RAD9A: variants seen among roughly 807,000 people sequenced by gnomAD.
RAD9A encodes the protein cell cycle checkpoint control protein RAD9A.
Under a neutral mutation model 41.2 loss-of-function variants are expected in RAD9A, and 25 were observed. The observed-to-expected ratio is 0.61, with a 90% CI of 0.44 to 0.85. RAD9A has a LOEUF of 0.85. Ranked by LOEUF, RAD9A falls within the 40% of genes least tolerant of loss-of-function variation. RAD9A has a pLI of 0.00. For missense variants in RAD9A, 514 were observed against 518.3 expected (o/e 0.99, Z 0.08); for synonymous variants, 252 against 210.6 (o/e 1.20, Z -1.70).
Position 67,397,544 on chromosome 11 carries a change from T to A in RAD9A, c.1161T>A (p.Ser387Arg), listed in dbSNP as rs2066494. The change falls in exon 11 of 11, where the codon AGT becomes AGA. Residue 387 changes from serine to arginine, a missense_variant. Coordinates refer to ENST00000307980, the MANE Select transcript of RAD9A (RefSeq NM_004584.3). ...QGPSPVLAEDSEGEG is the reference protein window; with the variant it reads ...QGPSPVLAEDREGEG ...CCAGCCCTGTGCTGGCGGAAGACAG[T>A]GAGGGTGAAGGCTGAACCAAGAACC... 2 of 1,607,214 alleles carry A rather than the reference T, an allele frequency of 1.2e-6. No individual in the cohort carries two copies.
In RAD9A at chr11:67,397,619, C is replaced by T; in HGVS notation, c.*60C>T. 7.0e-7 allele frequency: 1 copy of T among 1,429,014 alleles called. No homozygotes were observed. 88.5% of individuals were successfully genotyped at this position (1,429,014 alleles called of 1,614,324 possible). A position where few individuals can be genotyped will look rare whatever the true frequency, so the allele number is the denominator to read the frequency against. On this transcript the variant is annotated 3_prime_UTR_variant, in exon 11 of 11. Coordinates refer to ENST00000307980, the MANE Select transcript of RAD9A (RefSeq NM_004584.3). ...GACTAGACGAAGCCCCAGCCAGTGG[C>T]AGAACTGGGTCTCTCAGCCCTGGGG... is the stretch of plus-strand genomic sequence containing the variant.
intron 5 of RAD9A, 31 bp from the exon 6 acceptor site, chr11:67,395,685 C>T (rs760722972): frequency 9.8e-6 from 15 of 1,526,500 alleles, no homozygotes; most frequent in Non-Finnish European, 1.2e-5. Context: ...CAGGGCCAGG[C>T]ATTTCGGGTA....
Position 67,396,406 on chromosome 11 carries a change from G to C in RAD9A, c.872+6G>C. ...CCTCAGCTCCAGGCTCACAGGTGAG[G>C]GCACCTCCCCCCAACTCCTCCTCTC... is the stretch of plus-strand genomic sequence containing the variant. On this transcript the variant is annotated splice_donor_region_variant and intron_variant, in intron 9 of 10. Coordinates refer to ENST00000307980, the MANE Select transcript of RAD9A (RefSeq NM_004584.3). 2.5e-6 allele frequency: 4 copies of C among 1,613,362 alleles called. No homozygotes were observed. Among genetic ancestry groups the C allele is most frequent in the Non-Finnish European group, 3.4e-6 (4 of 1,179,838 alleles).
In RAD9A at chr11:67,395,840, C is replaced by T. The variant is rs777752204; in HGVS notation, c.559+15C>T. 33 of 1,613,140 alleles carry T rather than the reference C, an allele frequency of 2.0e-5. No homozygotes were observed. Among genetic ancestry groups the T allele is most frequent in the African/African-American group, 2.7e-5 (2 of 74,932 alleles). Reference sequence around the variant, plus strand: ...GGAGGAGGCAGGTGAGGGGGCTGGACGTGGCCTGGGACAGCAGAGTGGCAG... The same window carrying T: ...GGAGGAGGCAGGTGAGGGGGCTGGATGTGGCCTGGGACAGCAGAGTGGCAG... On this transcript the variant is annotated intron_variant, in intron 6 of 10. Coordinates refer to ENST00000307980, the MANE Select transcript of RAD9A (RefSeq NM_004584.3).
In RAD9A at chr11:67,392,248, T is replaced by TGGGGGTTGGGTGGG; in HGVS notation, c.105+22_105+23insTTGGGTGGGGGGGG. ...GAGGACGGGGTGAGGGGCTAGGGTG[T>TGGGGGTTGGGTGGG]GGGGGGCGGGTGGGACTCCAGCCGG... On this transcript the variant is annotated intron_variant, in intron 2 of 10. Coordinates refer to ENST00000307980, the MANE Select transcript of RAD9A (RefSeq NM_004584.3). 1 of 321,856 alleles carries TGGGGGTTGGGTGGG rather than the reference T, an allele frequency of 3.1e-6. No individual in the cohort carries two copies. Among genetic ancestry groups the TGGGGGTTGGGTGGG allele is most frequent in the Non-Finnish European group, 6.2e-6 (1 of 162,534 alleles). 19.9% of individuals were successfully genotyped at this position (321,856 alleles called of 1,614,324 possible).
intron 3 of RAD9A, chr11:67,393,087 C>T: frequency 2.5e-6 from 1 of 394,166 alleles, no homozygotes; most frequent in South Asian, 3.0e-5. Flanking sequence ...CGAGACCAGC[C>T]TGGCCAACAT....
intron 5 of RAD9A, chr11:67,395,423 T>C (rs966647330): frequency 1.6e-5 from 7 of 444,882 alleles, no homozygotes; most frequent in Non-Finnish European, 2.8e-5. Context: ...TGGGTATCCT[T>C]AGAGGATAAG....
intron 2 of RAD9A, 150 bp from the exon 3 acceptor site, chr11:67,392,504 C>G: frequency 8.0e-7 from 1 of 1,253,464 alleles, no homozygotes. Flanking sequence ...GGGGCCGACT[C>G]TGAAGGCTTC....
intron 5 of RAD9A, 132 bp from the exon 6 acceptor site, chr11:67,395,584 G>A: frequency 1.5e-6 from 1 of 689,186 alleles, no homozygotes. Flanking sequence ...CACCTTCTCT[G>A]GGCCTCATCC....
rs1205287086 is a variant in RAD9A, at chr11:67,392,033, C to A, written c.-12C>A. On this transcript the variant is annotated 5_prime_UTR_variant, in exon 1 of 11. Coordinates refer to ENST00000307980, the MANE Select transcript of RAD9A (RefSeq NM_004584.3). ...TGGGCAGTGTTGGCCGCTGGCGGAG[C>A]GCTGGGGCAGCATGAAGTGCCTGGT... 6.4e-7 allele frequency: 1 copy of A among 1,561,312 alleles called. No homozygotes were observed. The highest frequency in any genetic ancestry group is 8.7e-7 in the Non-Finnish European group (1 of 1,155,610).
rs781173734 is a variant in RAD9A, at chr11:67,392,710, C to G, written c.162C>G (p.Ala54=). 5 of 1,613,902 alleles carry G rather than the reference C, an allele frequency of 3.1e-6. No individual in the cohort carries two copies. The East Asian group carries it at 1.1e-4, about 36-fold the overall frequency. Residue 54 remains alanine, a synonymous_variant, in exon 3 of 11, where the codon GCC becomes GCG. Coordinates refer to ENST00000307980, the MANE Select transcript of RAD9A (RefSeq NM_004584.3). ...SRSAYACFLF[A]PLFFQQYQAA... is the part of the protein sequence containing the mutation. The stretch of plus-strand genomic sequence containing the variant: ...CTGCCTATGCCTGCTTTCTCTTTGC[C>G]CCGCTCTTCTTCCAGCAATACCAGG...
At position 67,397,383 on chromosome 11, in the gene RAD9A, G is replaced by A. The variant is rs914136298; in HGVS notation, c.1077G>A (p.Lys359=). Residue 359 remains lysine, a synonymous_variant, in exon 10 of 11, where the codon AAG becomes AAA. Coordinates refer to ENST00000307980, the MANE Select transcript of RAD9A (RefSeq NM_004584.3). ...PSTVPGTPPP[K]KFRSLFFGSI... ...CAGTGCCTGGGACTCCCCCACCCAA[G>A]AAGGTAGGGACTGGAGGTGGAGGCA... 1.9e-6 allele frequency: 3 copies of A among 1,590,632 alleles called. No individual in the cohort carries two copies. In the African/African-American group the frequency reaches 4.1e-5, roughly 22 times the overall value.
chr11:67,396,110 G>C lies in RAD9A; in HGVS notation c.670-1G>C. On this transcript the variant is annotated splice_acceptor_variant, in intron 7 of 10. Coordinates refer to ENST00000307980, the MANE Select transcript of RAD9A (RefSeq NM_004584.3). LOFTEE classifies it high-confidence loss of function. ...CTCACCTGCTACCTCTTTCCTCCCA[G>C]GGGCTCCTGAGCTTTGCAGAGTCAG... is the stretch of plus-strand genomic sequence containing the variant. 6.2e-7 allele frequency: 1 copy of C among 1,613,880 alleles called. No individual in the cohort carries two copies. The highest frequency in any genetic ancestry group is 8.5e-7 in the Non-Finnish European group (1 of 1,179,790).
chr11:67,397,137 G>A (rs1052605722), intron 9 of RAD9A, 42 bp from the exon 10 acceptor site: 4 of 1,502,606 alleles, frequency 2.7e-6, no homozygotes, highest in Admixed American at 1.7e-5. Flanking sequence ...CCCTGCCTCT[G>A]CTCCCCCAGT....
At position 67,393,711 on chromosome 11, in the gene RAD9A, C is replaced by T; in HGVS notation, c.370C>T (p.Leu124=). The change falls in exon 5 of 11, where the codon CTG becomes TTG. Residue 124 remains leucine, a synonymous_variant. Coordinates refer to ENST00000307980, the MANE Select transcript of RAD9A (RefSeq NM_004584.3). ...TCCAGGGGTGCGGAAGACTCACAAC[C>T]TGTCCTTCCAGGACTGTGAGTCCCT... is the stretch of plus-strand genomic sequence containing the variant. The part of the protein sequence containing the change: ...CKFGVRKTHN[L]SFQDCESLQA... The T allele has an allele frequency of 1.2e-6, 2 of 1,613,724 alleles. No individual in the cohort carries two copies. Among genetic ancestry groups the T allele is most frequent in the Non-Finnish European group, 1.7e-6 (2 of 1,179,800 alleles).
At chr11:67,393,911 A>G in intron 5 of RAD9A, 121 bp downstream of exon 5, 1 of 850,584 alleles carries the variant, frequency 1.2e-6, no homozygotes, top group Non-Finnish European at 1.8e-6. Flanking sequence ...GTGAACCTCA[A>G]AGACATCCCA....
At position 67,395,788 on chromosome 11, in the gene RAD9A, CA is replaced by C; in HGVS notation, c.523del (p.Arg175GlyfsTer20). 1 of 1,613,900 alleles carries C rather than the reference CA, an allele frequency of 6.2e-7. No individual in the cohort carries two copies. The highest frequency in any genetic ancestry group is 8.5e-7 in the Non-Finnish European group (1 of 1,180,002). ...EVTLGIGRGR[R>X]VILRSYHEEE... ...TGACGCTGGGCATTGGCCGTGGCCG[CA>C]GGGTCATCCTGCGCAGCTACCACGA... On this transcript the variant is annotated frameshift_variant, in exon 6 of 11. Transcript: ENST00000307980. LOFTEE classifies it high-confidence loss of function.
rs1042745929 is a variant in RAD9A, at chr11:67,398,337, G to A, written c.*778G>A. The A allele has an allele frequency of 2.0e-5, 12 of 613,774 alleles. No homozygotes were observed. The highest frequency in any genetic ancestry group is 5.8e-5 in the East Asian group (2 of 34,704). 38.0% of individuals were successfully genotyped at this position (613,774 alleles called of 1,614,324 possible). On this transcript the variant is annotated 3_prime_UTR_variant, in exon 11 of 11. Coordinates refer to ENST00000307980, the MANE Select transcript of RAD9A (RefSeq NM_004584.3). ...CCCCAGGATCCTGCTCACAGTCACC[G>A]CAGGTGCAGGCAGGAAGCAGCCCTG... is the stretch of plus-strand genomic sequence containing the variant.
rs750081797 is a variant in RAD9A, at chr11:67,397,224, C to A, written c.918C>A (p.Tyr306Ter). ...DDFANDDIDS[Y>*]MIAMETTIGN... Reference sequence around the variant, plus strand: ...TTGCCAATGACGACATTGACTCTTACATGATCGCCATGGAAACCACTATAG... The same window carrying A: ...TTGCCAATGACGACATTGACTCTTAAATGATCGCCATGGAAACCACTATAG... The change falls in exon 10 of 11, where the codon TAC becomes TAA. Residue 306 changes from tyrosine (Y) to a stop codon, truncating the protein, a stop_gained. Coordinates refer to ENST00000307980, the MANE Select transcript of RAD9A (RefSeq NM_004584.3). LOFTEE classifies it high-confidence loss of function. The A allele has an allele frequency of 6.2e-7, 1 of 1,613,864 alleles. No individual in the cohort carries two copies. Among genetic ancestry groups the A allele is most frequent in the South Asian group, 1.1e-5 (1 of 91,084 alleles).
Sources: allele counts gnomAD v4.1 joint callset, GRCh38; gene constraint gnomAD v4.1.1; transcripts MANE v1.5; gene names NCBI Gene and HGNC (gene_info 2026-07-23, HGNC 2026-07-21).